SNTB1: variants seen among roughly 807,000 people sequenced by gnomAD.
SNTB1 encodes the protein syntrophin beta 1, also known as beta-1-syntrophin.
Under a neutral mutation model 48.9 loss-of-function variants are expected in SNTB1, and 36 were observed. The observed-to-expected ratio is 0.74, with a 90% CI of 0.56 to 0.97. The LOEUF is 0.97. SNTB1 is among the 50% of genes least tolerant of loss of function. The pLI is 0.00. For synonymous variants in SNTB1, 299 were observed against 294.6 expected (o/e 1.01, Z -0.15); for missense variants, 786 against 703.4 (o/e 1.12, Z -1.33).
Position 120,644,431 on chromosome 8 carries a change from C to T in SNTB1, c.789-11780G>A, listed in dbSNP as rs1342118328. On this transcript the variant is annotated intron_variant, in intron 2 of 6. Transcript: ENST00000517992. ...TGCGATGTTTGGTTTTTTGTTCTTG[C>T]GATAGTTTACTGAGAATGATGATTT... Among the ~76,000 whole-genome samples, 19 of 150,584 alleles carry T rather than the reference C, an allele frequency of 1.3e-4. No individual in the cohort carries two copies. The South Asian group carries it at 1.3e-3, about 10-fold the overall frequency.
Position 120,693,785 on chromosome 8 carries a change from G to T in SNTB1, c.695C>A (p.Ser232Ter), listed in dbSNP as rs1467761500. 1 of 1,614,072 alleles carries T rather than the reference G, an allele frequency of 6.2e-7. No individual in the cohort carries two copies. Among genetic ancestry groups the T allele is most frequent in the African/African-American group, 1.3e-5 (1 of 75,034 alleles). Residue 232 changes from serine to a stop codon, truncating the protein, a stop_gained, in exon 2 of 7, where the codon TCG becomes TAG. Transcript: ENST00000517992. LOFTEE classifies it high-confidence loss of function. ...GTCTCTGTGGAAGGAGAAGGACTGC[G>T]ATGACGGGGGGTCTGAGGTGCTGCC... is the stretch of plus-strand genomic sequence containing the variant. Reference protein sequence around the residue: ...LGGSTSDPPSSQSFSFHRDRK... With the variant: ...LGGSTSDPPS
intron 2 of SNTB1, among the ~76,000 whole-genome samples, chr8:120,644,148 G>C (rs187012062): frequency 8.9e-4 from 124 of 138,648 alleles, no homozygotes; most frequent in Non-Finnish European, 1.6e-4. Context: ...TCCAAGTAAA[G>C]AGGGAAATCA....
intron 3 of SNTB1, among the ~76,000 whole-genome samples, chr8:120,587,992 G>A (rs958967166): frequency 2.6e-5 from 4 of 152,104 alleles, no homozygotes; most frequent in Non-Finnish European, 5.9e-5. Context: ...CTGATATGCA[G>A]AAATTGACAA....
chr8:120,559,942 A>G (rs200454457), intron 4 of SNTB1, among the ~76,000 whole-genome samples: 16 of 15,636 alleles, frequency 1.0e-3, no homozygotes, highest in South Asian at 3.0e-3. Flanking sequence ...CAAAAAAAAG[A>G]AAAAAAAAAC....
intron 1 of SNTB1, among the ~76,000 whole-genome samples, chr8:120,728,478 T>G (rs780971485): frequency 1.3e-5 from 2 of 152,272 alleles, no homozygotes; most frequent in South Asian, 4.1e-4. Flanking sequence ...TCTCAACCCT[T>G]GTCCCCACTC....
intron 1 of SNTB1, among the ~76,000 whole-genome samples, chr8:120,739,542 T>C (rs2130000656): frequency 6.6e-6 from 1 of 152,326 alleles, no homozygotes; most frequent in South Asian, 2.1e-4. Flanking sequence ...TAAACTAAAA[T>C]TATCTTTTGT....
At chr8:120,574,361 AC>A (rs375647303) in intron 4 of SNTB1, among the ~76,000 whole-genome samples, 1 of 152,066 alleles carries the variant, frequency 6.6e-6, no homozygotes, top group African/African-American at 2.4e-5. Flanking sequence ...ATCTTATGTT[AC>A]ATGTTGTTAT....
At chr8:120,675,204 C>T (rs910533634) in intron 2 of SNTB1, among the ~76,000 whole-genome samples, 2 of 152,054 alleles carry the variant, frequency 1.3e-5, no homozygotes, top group African/African-American at 4.8e-5. Context: ...AACATGGCAG[C>T]CTTTGGGGCT....
intron 2 of SNTB1, among the ~76,000 whole-genome samples, chr8:120,656,237 GA>G (rs915494232): frequency 1.3e-5 from 2 of 152,176 alleles, no homozygotes; most frequent in African/African-American, 2.4e-5. Flanking sequence ...AAAGAAACCA[GA>G]AGAGGTGTTC....
intron 3 of SNTB1, among the ~76,000 whole-genome samples, chr8:120,622,766 C>T (rs1816813627): frequency 6.6e-6 from 1 of 152,226 alleles, no homozygotes; most frequent in East Asian, 1.9e-4. Context: ...TGGAATTCCT[C>T]CCCTCATGGG....
Position 120,633,624 on chromosome 8 carries a change from A to G in SNTB1, c.789-973T>C, listed in dbSNP as rs535070408. Among the ~76,000 whole-genome samples, 4 of 152,184 alleles carry G rather than the reference A, an allele frequency of 2.6e-5. No individual in the cohort carries two copies. The East Asian group carries it at 5.8e-4, about 22-fold the overall frequency. On this transcript the variant is annotated intron_variant, in intron 2 of 6. Transcript: ENST00000517992. ...GGTCTCAAATAAAATAAAATAAAAT[A>G]AATTAAAATAAAAATAAAAGTCCAA...
chr8:120,669,197 A>T (rs948136802), intron 2 of SNTB1, among the ~76,000 whole-genome samples: 2 of 152,192 alleles, frequency 1.3e-5, no homozygotes, highest in Non-Finnish European at 1.5e-5. Context: ...TAAATGAGAA[A>T]ACAGTTATCC....
rs530447884 is a variant in SNTB1 at position 120,563,452 on chromosome 8, A to T, written c.1136+11634T>A. Among the ~76,000 whole-genome samples the T allele has an allele frequency of 3.3e-5, 5 of 152,304 alleles. No homozygotes were observed. The South Asian group carries it at 1.0e-3, about 32-fold the overall frequency. On this transcript the variant is annotated intron_variant, in intron 4 of 6. Transcript: ENST00000517992. Reference sequence around the variant, plus strand: ...TATAAACTGTACCACCAATGGACTCATAGGGGCACCATTGAAGTTTGGCAG... The same window carrying T: ...TATAAACTGTACCACCAATGGACTCTTAGGGGCACCATTGAAGTTTGGCAG...
intron 4 of SNTB1, among the ~76,000 whole-genome samples, chr8:120,561,775 C>A (rs1019558202): frequency 3.3e-5 from 5 of 152,192 alleles, no homozygotes; most frequent in African/African-American, 1.2e-4. Context: ...TTATAACACT[C>A]GGCTTTTCCT....
intron 3 of SNTB1, among the ~76,000 whole-genome samples, chr8:120,626,619 CT>C (rs939547835): frequency 1.2e-4 from 18 of 147,174 alleles, no homozygotes; most frequent in Admixed American, 4.1e-4. Flanking sequence ...ATAGAACAAG[CT>C]TTTTTTTTTA....
Position 120,537,578 on chromosome 8 carries a change from A to G in SNTB1, c.*1299T>C, listed in dbSNP as rs182579087. The G allele has an allele frequency of 6.6e-6, 1 of 152,316 alleles. No homozygotes were observed. The highest frequency in any genetic ancestry group is 1.9e-4 in the East Asian group (1 of 5,188). 9.4% of individuals were successfully genotyped at this position (152,316 alleles called of 1,614,324 possible). Reference sequence around the variant, plus strand: ...TAAAAACACACAGGTCTAACAACAGATGTCTGTCTATGTAAACTACAGGAA... The same window carrying G: ...TAAAAACACACAGGTCTAACAACAGGTGTCTGTCTATGTAAACTACAGGAA... On this transcript the variant is annotated 3_prime_UTR_variant, in exon 7 of 7. Coordinates refer to ENST00000517992, the MANE Select transcript of SNTB1 (RefSeq NM_021021.4).
intron 3 of SNTB1, among the ~76,000 whole-genome samples, chr8:120,622,517 G>A (rs1449703009): frequency 6.6e-6 from 1 of 152,084 alleles, no homozygotes; most frequent in Non-Finnish European, 1.5e-5. Context: ...ATATAAGGAT[G>A]CAAAGAAACT....
At chr8:120,749,740 G>A (rs1819181048) in intron 1 of SNTB1, among the ~76,000 whole-genome samples, 1 of 152,160 alleles carries the variant, frequency 6.6e-6, no homozygotes, top group South Asian at 2.1e-4. Flanking sequence ...AAGTCTAGGT[G>A]TGGCTCAGCA....
intron 2 of SNTB1, among the ~76,000 whole-genome samples, chr8:120,635,119 A>C (rs1189341302): frequency 6.6e-6 from 1 of 152,226 alleles, no homozygotes; most frequent in Non-Finnish European, 1.5e-5. Context: ...AAGATACAAA[A>C]ATTTTATGTG....
Sources: gnomAD v4.1 joint callset for allele counts (sites outside exome capture counted in the v4.1 genomes callset) on GRCh38, gnomAD v4.1.1 for gene constraint, MANE v1.5 for transcripts, NCBI Gene and HGNC (gene_info 2026-07-23, HGNC 2026-07-21) for gene names.